PTPN21: variants seen among roughly 807,000 people sequenced by gnomAD.
PTPN21 encodes the protein protein tyrosine phosphatase non-receptor type 21.
Under a neutral mutation model 131.8 loss-of-function variants are expected in PTPN21, and 77 were observed. The ratio of observed to expected loss-of-function variants is 0.58; its 90% confidence interval spans 0.49 to 0.71. PTPN21 has a LOEUF of 0.71. Ranked by LOEUF, PTPN21 falls within the 30% of genes least tolerant of loss-of-function variation. The pLI, the probability that PTPN21 is intolerant of heterozygous loss-of-function variation, is 0.00. For missense variants in PTPN21, 1,552 were observed against 1,527.1 expected (o/e 1.02, Z -0.27); for synonymous variants, 715 against 621.3 (o/e 1.15, Z -2.24).
Position 88,505,327 on chromosome 14 carries a change from G to C in PTPN21, c.493C>G (p.Gln165Glu), listed in dbSNP as rs367548603. The change falls in exon 5 of 19, where the codon CAG becomes GAG. Residue 165 changes from glutamine to glutamate, a missense_variant. By Grantham distance (29) the Gln-to-Glu change is conservative. This residue lies in a region of PTPN21 where 206 missense variants were observed against 221.6 expected (regional missense o/e 0.93). Coordinates refer to ENST00000556564, the MANE Select transcript of PTPN21 (RefSeq NM_007039.4). ...ACCACAGGAAACAAGGCAAATTTCT[G>C]AAGAAAGTCCTGGGATTCATACTGA... ...FDQYESQDFLQKFALFPVGWL... is the reference protein window; with the variant it reads ...FDQYESQDFLEKFALFPVGWL... 1.9e-6 allele frequency: 3 copies of C among 1,609,484 alleles called. No homozygotes were observed. The African/African-American group carries it at 4.0e-5, about 22-fold the overall frequency.
rs754160998 is a variant in PTPN21, at chr14:88,472,331, T to C, written c.2784A>G (p.Gln928=). 1.9e-6 allele frequency: 3 copies of C among 1,613,792 alleles called. No homozygotes were observed. The South Asian group carries it at 3.3e-5, about 18-fold the overall frequency. ...LPENAERNRF[Q]DVLPYDDVRV... is the part of the protein sequence containing the mutation. Reference sequence around the variant, plus strand: ...TCACATCATCATAAGGAAGAACATCTTGGAATCGATTTCTTTCTGCATTTT... The same window carrying C: ...TCACATCATCATAAGGAAGAACATCCTGGAATCGATTTCTTTCTGCATTTT... The change falls in exon 15 of 19, where the codon CAA becomes CAG. Residue 928 remains glutamine (Q), a synonymous_variant. Transcript: ENST00000556564.
chr14:88,554,130 T>C (rs2078897085), intron 1 of PTPN21, among the ~76,000 whole-genome samples: 1 of 152,190 alleles, frequency 6.6e-6, no homozygotes, highest in East Asian at 1.9e-4. Flanking sequence ...GCTATTAGTA[T>C]AAGGCTTTCT....
At chr14:88,496,340 G>A in intron 10 of PTPN21, 73 bp downstream of exon 10, 1 of 1,280,970 alleles carries the variant, frequency 7.8e-7, no homozygotes, top group Non-Finnish European at 1.1e-6. Flanking sequence ...CTTTCTTGAT[G>A]ATACAGTATA....
At chr14:88,500,947 G>T in intron 7 of PTPN21, 76 bp from the exon 8 acceptor site, 2 of 1,055,294 alleles carry the variant, frequency 1.9e-6, no homozygotes, top group South Asian at 1.3e-5. Flanking sequence ...CCCTGGACTG[G>T]TTTCCCAGAT....
intron 3 of PTPN21, among the ~76,000 whole-genome samples, chr14:88,508,428 A>T (rs2139290299): frequency 6.6e-6 from 1 of 152,296 alleles, no homozygotes; most frequent in East Asian, 1.9e-4. Context: ...GACTACGGAC[A>T]TGAACCACCA....
intron 4 of PTPN21, 136 bp downstream of exon 4, chr14:88,507,787 G>GAT (rs34965888): frequency 1.9e-6 from 1 of 515,374 alleles, no homozygotes; most frequent in Admixed American, 3.7e-5. Context: ...AAGCCCCTTA[G>GAT]ATAACAGAAT....
At chr14:88,511,223 C>T (rs61975278) in intron 3 of PTPN21, among the ~76,000 whole-genome samples, 52,360 of 151,612 alleles carry the variant, frequency 0.35, 9,588 homozygotes, top group African/African-American at 0.48. Context: ...GCCATAAATA[C>T]GTTTTTCTTA....
At chr14:88,530,232 C>G (rs901871127) in intron 2 of PTPN21, among the ~76,000 whole-genome samples, 16 of 138,112 alleles carry the variant, frequency 1.2e-4, no homozygotes, top group Non-Finnish European at 1.7e-4. Context: ...AATGCTGAAA[C>G]AATTTGCCAC....
chr14:88,519,010 C>G (rs1010420067), intron 2 of PTPN21, among the ~76,000 whole-genome samples: 2 of 136,234 alleles, frequency 1.5e-5, no homozygotes, highest in Non-Finnish European at 3.2e-5. Flanking sequence ...CACACACACA[C>G]AGAGTGCATG....
chr14:88,527,715 C>G (rs1051305523), intron 2 of PTPN21, among the ~76,000 whole-genome samples: 1 of 152,202 alleles, frequency 6.6e-6, no homozygotes, highest in East Asian at 1.9e-4. Context: ...TTTTTGGTCA[C>G]AGACTCTTTG....
intron 10 of PTPN21, among the ~76,000 whole-genome samples, chr14:88,489,800 C>T (rs930374381): frequency 1.3e-5 from 2 of 148,426 alleles, no homozygotes; most frequent in African/African-American, 4.9e-5. Flanking sequence ...ACCAGGGCTG[C>T]ATCCAAGCTG....
At chr14:88,539,164 A>G (rs1284999794) in intron 2 of PTPN21, among the ~76,000 whole-genome samples, 1 of 149,890 alleles carries the variant, frequency 6.7e-6, no homozygotes, top group African/African-American at 2.5e-5. Flanking sequence ...GCTCACTGCA[A>G]CCTCCACCTC....
intron 3 of PTPN21, among the ~76,000 whole-genome samples, chr14:88,516,630 C>T (rs1027700458): frequency 1.8e-4 from 28 of 152,144 alleles, no homozygotes; most frequent in African/African-American, 6.8e-4. Flanking sequence ...TGATCTTAAA[C>T]ACTTCCCTCC....
chr14:88,538,585 AAAATT>A (rs990540043), intron 2 of PTPN21, among the ~76,000 whole-genome samples: 45 of 152,328 alleles, frequency 3.0e-4, no homozygotes, highest in African/African-American at 1.1e-3. Flanking sequence ...TAAAAATACA[AAAATT>A]AAATGATAAC....
At position 88,479,753 on chromosome 14, in the gene PTPN21, T is replaced by A. The variant is rs777000521; in HGVS notation, c.1678A>T (p.Thr560Ser). 2 of 1,543,344 alleles carry A rather than the reference T, an allele frequency of 1.3e-6. No homozygotes were observed. The highest frequency in any genetic ancestry group is 1.2e-5 in the South Asian group (1 of 80,886). Reference protein sequence around the residue: ...QDYPSPNIMRTQVYRPPPPYP... With the variant: ...QDYPSPNIMRSQVYRPPPPYP... Reference sequence around the variant, plus strand: ...GGTGGGGGTGGCCGGTACACCTGCGTCCGCATGATGTTGGGAGACGGGTAG... The same window carrying A: ...GGTGGGGGTGGCCGGTACACCTGCGACCGCATGATGTTGGGAGACGGGTAG... Residue 560 changes from threonine (T) to serine (S), a missense_variant, in exon 13 of 19, where the codon ACG becomes TCG. Coordinates refer to ENST00000556564, the MANE Select transcript of PTPN21 (RefSeq NM_007039.4).
intron 3 of PTPN21, among the ~76,000 whole-genome samples, chr14:88,509,552 G>T (rs1217456766): frequency 6.6e-6 from 1 of 152,112 alleles, no homozygotes; most frequent in Admixed American, 6.5e-5. Context: ...CAAACCCATG[G>T]ATTTCCCTCT....
At chr14:88,510,135 A>G (rs2078155432) in intron 3 of PTPN21, among the ~76,000 whole-genome samples, 1 of 152,226 alleles carries the variant, frequency 6.6e-6, no homozygotes, top group Non-Finnish European at 1.5e-5. Context: ...TGTTATGAGA[A>G]TTGACTCTTC....
rs370554337 is a variant in PTPN21, at chr14:88,517,219, G to A, written c.223C>T (p.Arg75Cys). 141 of 1,613,880 alleles carry A rather than the reference G, an allele frequency of 8.7e-5. No homozygotes were observed. The highest frequency in any genetic ancestry group is 4.0e-4 in the Admixed American group (24 of 59,982). Residue 75 changes from arginine to cysteine, a missense_variant, in exon 3 of 19, where the codon CGC becomes TGC. Physicochemically the swap from Arg to Cys is radical, Grantham distance 180. Transcript: ENST00000556564. The part of the protein sequence containing the change: ...SLWYYNKQNQ[R>C]RWVDLEKPLK... ...GGTTTTTCCAAATCTACCCACCGGCGCTGATTTTGCTTGTTGTAGTACCAG... is the reference window on the plus strand; with the variant it reads ...GGTTTTTCCAAATCTACCCACCGGCACTGATTTTGCTTGTTGTAGTACCAG...
intron 2 of PTPN21, among the ~76,000 whole-genome samples, chr14:88,535,037 T>C (rs2078610405): frequency 6.6e-6 from 1 of 152,308 alleles, no homozygotes; most frequent in East Asian, 1.9e-4. Context: ...TCACGGTAAG[T>C]ACCCTATACA....
Sources: allele counts gnomAD v4.1 joint callset (sites outside exome capture counted in the v4.1 genomes callset), GRCh38; gene constraint gnomAD v4.1.1; regional missense constraint gnomAD v4.1.1; transcripts MANE v1.5; gene names NCBI Gene and HGNC (gene_info 2026-07-23, HGNC 2026-07-21).